The following IFT74 variants were observed in gnomAD, a reference collection of about 807,000 sequenced individuals.
The protein encoded by IFT74 is intraflagellar transport protein 74 homolog.
Under a neutral mutation model 96.7 loss-of-function variants are expected in IFT74, and 92 were observed. That is an observed-to-expected ratio of 0.95 (90% CI 0.80 to 1.13). IFT74 has a LOEUF of 1.13. Ranked by LOEUF, IFT74 falls within the 50% of genes most tolerant of loss-of-function variation. The pLI, the probability that IFT74 is intolerant of heterozygous loss-of-function variation, is 0.00. For missense variants in IFT74, 811 were observed against 698.2 expected, an observed-to-expected ratio of 1.16 and a Z score of -1.82; for synonymous variants, 223 against 213.2, an observed-to-expected ratio of 1.05 and a Z score of -0.40.
intron 8 of IFT74, chr9:26,998,298 C>G: frequency 1.9e-6 from 2 of 1,071,072 alleles, no homozygotes; most frequent in Non-Finnish European, 2.6e-6. Flanking sequence ...TAGAATTTCA[C>G]CAAATTTCAT....
At chr9:27,043,570 T>G (rs905683811) in intron 13 of IFT74, among the ~76,000 whole-genome samples, 1 of 152,216 alleles carries the variant, frequency 6.6e-6, no homozygotes, top group Non-Finnish European at 1.5e-5. Context: ...ATGGCAGAAT[T>G]CATTCATTTT....
intron 1 of IFT74, chr9:26,947,360 C>T (rs2131444178): frequency 3.1e-6 from 1 of 327,734 alleles, no homozygotes; most frequent in Non-Finnish European, 5.6e-6. Flanking sequence ...TCTGGACTCC[C>T]TGCTGAGCAA....
chr9:27,050,230 C>T (rs1406458771), intron 16 of IFT74, among the ~76,000 whole-genome samples: 2 of 152,086 alleles, frequency 1.3e-5, no homozygotes, highest in Admixed American at 6.5e-5. Context: ...GCTAATATTT[C>T]GTATTTTTAA....
At chr9:27,021,057 A>G in intron 12 of IFT74, among the ~76,000 whole-genome samples, 1 of 152,188 alleles carries the variant, frequency 6.6e-6, no homozygotes, top group East Asian at 1.9e-4. Flanking sequence ...TTCACTTAGA[A>G]TAACTGTCTC....
intron 12 of IFT74, among the ~76,000 whole-genome samples, chr9:27,026,512 G>T (rs749907594): frequency 9.2e-5 from 14 of 152,194 alleles, no homozygotes; most frequent in African/African-American, 2.6e-4. Flanking sequence ...CCCAACAACT[G>T]CAGAATATAC....
chr9:27,053,163 T>G (rs1417731707), intron 16 of IFT74, among the ~76,000 whole-genome samples: 1 of 23,908 alleles, frequency 4.2e-5, no homozygotes. Context: ...CGCCTGGCCT[T>G]TTTTTTTTTT....
Position 26,978,122 on chromosome 9 carries a change from A to G in IFT74, c.121-6A>G. ...TACTAAAAATGAAATCTTGTTTGTC[A>G]TTTAGATGCCACCTGGGACAGCAAG... On this transcript the variant is annotated splice_region_variant and splice_polypyrimidine_tract_variant and intron_variant, in intron 2 of 19. Transcript: ENST00000380062. 6.4e-7 allele frequency: 1 copy of G among 1,569,378 alleles called. No homozygotes were observed. The highest frequency in any genetic ancestry group is 8.6e-7 in the Non-Finnish European group (1 of 1,165,688).
chr9:26,976,602 C>T (rs1332454175), intron 2 of IFT74: 1 of 375,556 alleles, frequency 2.7e-6, no homozygotes, highest in Non-Finnish European at 5.1e-6. Context: ...CCAGTCTTTT[C>T]CTAAATAAGG....
intron 8 of IFT74, chr9:26,996,219 AT>A (rs1282213772): frequency 1.2e-6 from 1 of 828,730 alleles, no homozygotes; most frequent in African/African-American, 1.8e-5. Flanking sequence ...TTTCTTTTAC[AT>A]TTTTTATACA....
At chr9:26,998,846 C>G (rs543571729) in intron 8 of IFT74, among the ~76,000 whole-genome samples, 1 of 150,368 alleles carries the variant, frequency 6.7e-6, no homozygotes, top group Non-Finnish European at 1.5e-5. Context: ...AAAAAAAAGT[C>G]AGCCGGGCAT....
chr9:27,058,557 T>G (rs888324994), intron 18 of IFT74, among the ~76,000 whole-genome samples: 1 of 152,094 alleles, frequency 6.6e-6, no homozygotes, highest in African/African-American at 2.4e-5. Flanking sequence ...GTCTAATTTT[T>G]TTGTGTTTTT....
chr9:26,990,141 C>T lies in IFT74; in HGVS notation c.533C>T (p.Ala178Val), dbSNP rs1212961307. 6.7e-7 allele frequency: 1 copy of T among 1,500,408 alleles called. No individual in the cohort carries two copies. The highest frequency in any genetic ancestry group is 8.9e-7 in the Non-Finnish European group (1 of 1,126,140). The allele number at this position is 1,500,408 out of a possible 1,614,324, so 92.9% of individuals were successfully genotyped here. The change falls in exon 8 of 20, where the codon GCT (alanine) becomes GTT (valine). Residue 178 changes from alanine to valine, a missense_variant. Coordinates refer to ENST00000380062, the MANE Select transcript of IFT74 (RefSeq NM_025103.4). Reference sequence around the variant, plus strand: ...TGTGTTAACTTTATTCAGCTTAAAGCTCAAAATGATCGAGAAACACAAAGT... The same window carrying T: ...TGTGTTAACTTTATTCAGCTTAAAGTTCAAAATGATCGAGAAACACAAAGT... ...EVMNDYNMLK[A>V]QNDRETQSLD...
At position 26,978,243 on chromosome 9, in the gene IFT74, G is replaced by T; in HGVS notation, c.236G>T (p.Gly79Val). ...CCTGTAACACAACAAGGTTTGACTG[G>T]AATGAAAACTGGGACGAAAGGTACC... is the stretch of plus-strand genomic sequence containing the variant. ...HRPVTQQGLTGMKTGTKGPQR... is the reference protein window; with the variant it reads ...HRPVTQQGLTVMKTGTKGPQR... The change falls in exon 3 of 20, where the codon GGA becomes GTA. Residue 79 changes from glycine (G) to valine (V), a missense_variant. Coordinates refer to ENST00000380062, the MANE Select transcript of IFT74 (RefSeq NM_025103.4). 1 of 1,613,050 alleles carries T rather than the reference G, an allele frequency of 6.2e-7. No homozygotes were observed. The highest frequency in any genetic ancestry group is 1.1e-5 in the South Asian group (1 of 90,874).
At chr9:27,038,055 C>T (rs528601464) in intron 13 of IFT74, among the ~76,000 whole-genome samples, 1 of 152,314 alleles carries the variant, frequency 6.6e-6, no homozygotes, top group African/African-American at 2.4e-5. Context: ...AGGATTTGTG[C>T]TGTCCTTGAT....
chr9:26,985,670 T>G (rs915327758), intron 6 of IFT74, among the ~76,000 whole-genome samples: 5 of 152,124 alleles, frequency 3.3e-5, no homozygotes, highest in Non-Finnish European at 5.9e-5. Context: ...TTTTGTAAAA[T>G]ACGTTTACTG....
intron 1 of IFT74, among the ~76,000 whole-genome samples, chr9:26,957,821 T>G (rs568477788): frequency 2.1e-4 from 32 of 151,350 alleles, no homozygotes; most frequent in African/African-American, 7.5e-4. Flanking sequence ...TGAGACGGAG[T>G]CTTGCTCAGT....
At chr9:27,020,306 A>C (rs926501704) in intron 12 of IFT74, among the ~76,000 whole-genome samples, 3 of 152,266 alleles carry the variant, frequency 2.0e-5, no homozygotes, top group South Asian at 2.1e-4. Context: ...GCTGAATTGC[A>C]GCCCGTGTCA....
chr9:26,981,672 G>A (rs953912624), intron 4 of IFT74, among the ~76,000 whole-genome samples: 8 of 151,762 alleles, frequency 5.3e-5, no homozygotes, highest in African/African-American at 1.5e-4. Flanking sequence ...TGCCCATCTC[G>A]GCCTTCCAAA....
chr9:27,017,645 T>G (rs1248678885), intron 11 of IFT74, among the ~76,000 whole-genome samples: 2 of 152,354 alleles, frequency 1.3e-5, no homozygotes, highest in South Asian at 2.1e-4. Context: ...ATTATTGTTT[T>G]GGGCCTTGTA....
Sources: gnomAD v4.1 joint callset for allele counts (sites outside exome capture counted in the v4.1 genomes callset) on GRCh38, gnomAD v4.1.1 for gene constraint, MANE v1.5 for transcripts, NCBI Gene and HGNC (gene_info 2026-07-23, HGNC 2026-07-21) for gene names.